The following TUSC3 variants were observed in gnomAD, a reference collection of about 807,000 sequenced individuals.
The protein encoded by TUSC3 is tumor suppressor candidate 3.
A neutral mutation model predicts 44.8 loss-of-function variants in TUSC3; 45 were observed. That is an observed-to-expected ratio of 1.00 (90% CI 0.79 to 1.29). TUSC3 has a LOEUF of 1.29. Among genes scored for constraint, TUSC3 ranks in the 50% most tolerant of loss-of-function variants. The pLI is 0.00. For synonymous variants in TUSC3, 212 were observed against 152.9 expected, an observed-to-expected ratio of 1.39 and a Z score of -2.85; for missense variants, 519 against 437.9, an observed-to-expected ratio of 1.19 and a Z score of -1.65.
chr8:15,743,517 C>G, intron 7 of TUSC3, 21 bp from the exon 8 acceptor site: 1 of 1,613,234 alleles, frequency 6.2e-7, no homozygotes, highest in Non-Finnish European at 8.5e-7. Flanking sequence ...ATGTCTACGG[C>G]TTCCTTGACA....
intron 1 of TUSC3, among the ~76,000 whole-genome samples, chr8:15,433,940 G>A (rs1799912128): frequency 6.6e-6 from 1 of 152,106 alleles, no homozygotes; most frequent in African/African-American, 2.4e-5. Flanking sequence ...AGAGCTTTCT[G>A]TGGATATGTG....
intron 10 of TUSC3, among the ~76,000 whole-genome samples, chr8:15,763,515 G>C (rs1214069240): frequency 1.3e-5 from 2 of 151,826 alleles, no homozygotes; most frequent in East Asian, 1.9e-4. Flanking sequence ...GTGTTGTCAA[G>C]ACTCAAAAAG....
chr8:15,599,540 T>C (rs567823147), intron 1 of TUSC3, among the ~76,000 whole-genome samples: 1 of 151,838 alleles, frequency 6.6e-6, no homozygotes, highest in African/African-American at 2.4e-5. Context: ...TTATGCTCTC[T>C]TATAGTAGTT....
intron 6 of TUSC3, among the ~76,000 whole-genome samples, chr8:15,711,916 G>T: frequency 6.6e-6 from 1 of 151,778 alleles, no homozygotes; most frequent in Non-Finnish European, 1.5e-5. Flanking sequence ...TATAGTTTCA[G>T]GAACTGAAAG....
At chr8:15,523,901 C>CAA in intron 2 of TUSC3, among the ~76,000 whole-genome samples, 1 of 151,100 alleles carries the variant, frequency 6.6e-6, no homozygotes, top group East Asian at 1.9e-4. Context: ...ACTAGCAATA[C>CAA]AAAAATTAGC....
downstream of TUSC3, among the ~76,000 whole-genome samples, chr8:15,769,714 G>A (rs1812408281): frequency 6.6e-6 from 1 of 152,048 alleles, no homozygotes; most frequent in African/African-American, 2.4e-5. Context: ...AATCTACAAA[G>A]AACTGAAATT....
chr8:15,676,269 G>C (rs1266206171), intron 6 of TUSC3, among the ~76,000 whole-genome samples: 2 of 152,078 alleles, frequency 1.3e-5, no homozygotes, highest in African/African-American at 4.8e-5. Context: ...CCGCTTATCT[G>C]TCTTCTTTTC....
the TUSC3 span, among the ~76,000 whole-genome samples, chr8:15,778,635 T>C: frequency 6.6e-6 from 1 of 152,302 alleles, no homozygotes; most frequent in Non-Finnish European, 1.5e-5. Flanking sequence ...TGATTCTTTA[T>C]GTATCACTTA....
chr8:15,791,939 A>G, the TUSC3 span, among the ~76,000 whole-genome samples: 3 of 152,320 alleles, frequency 2.0e-5, no homozygotes, highest in East Asian at 3.9e-4. Flanking sequence ...AACCGGTGAC[A>G]AAGAATTACT....
intron 2 of TUSC3, among the ~76,000 whole-genome samples, chr8:15,493,103 G>A (rs1378067086): frequency 6.6e-6 from 1 of 152,118 alleles, no homozygotes; most frequent in Non-Finnish European, 1.5e-5. Flanking sequence ...AAAAAATCCT[G>A]CAAGGTAGAT....
At chr8:15,756,403 T>C (rs780270062) in intron 9 of TUSC3, among the ~76,000 whole-genome samples, 2 of 152,170 alleles carry the variant, frequency 1.3e-5, no homozygotes, top group Non-Finnish European at 2.9e-5. Context: ...AGGTTCTCAA[T>C]AAAAAGTACT....
intron 5 of TUSC3, among the ~76,000 whole-genome samples, chr8:15,670,877 C>G (rs1176372200): frequency 6.6e-6 from 1 of 151,802 alleles, no homozygotes; most frequent in Non-Finnish European, 1.5e-5. Context: ...AGGTAAATGA[C>G]TTGCTGGGTA....
intron 1 of TUSC3, among the ~76,000 whole-genome samples, chr8:15,547,658 A>G (rs564038122): frequency 9.0e-4 from 135 of 150,438 alleles, no homozygotes; most frequent in African/African-American, 3.2e-3. Context: ...TGAGTGAGAA[A>G]GTATTAGGAG....
rs547570112 is a variant in TUSC3, at chr8:15,460,870, C to T, written n.92-22516C>T. ...TGGGTTTATTTCTGGGTTCTCTATT[C>T]TGTTCCATTGGTCTATGTGCCTGTT... On this transcript the variant is annotated intron_variant and non_coding_transcript_variant, in intron 1 of 5. Coordinates refer to the TUSC3 transcript ENST00000503191. Among the ~76,000 whole-genome samples the T allele has an allele frequency of 3.7e-4, 57 of 152,236 alleles. No individual in the cohort carries two copies. The South Asian group carries it at 9.3e-3, about 25-fold the overall frequency.
chr8:15,432,247 G>A (rs921037378), intron 1 of TUSC3, among the ~76,000 whole-genome samples: 1 of 151,734 alleles, frequency 6.6e-6, no homozygotes, highest in African/African-American at 2.4e-5. Flanking sequence ...TAGGCTTTTT[G>A]TTGTTGTTGT....
chr8:15,758,084 A>C, intron 10 of TUSC3: 1 of 1,306,166 alleles, frequency 7.7e-7, no homozygotes, highest in Non-Finnish European at 9.7e-7. Flanking sequence ...GGAGTTAATC[A>C]TTTGACAGAT....
intron 10 of TUSC3, among the ~76,000 whole-genome samples, chr8:15,763,756 T>G (rs1181298275): frequency 1.3e-5 from 2 of 152,096 alleles, no homozygotes; most frequent in African/African-American, 4.8e-5. Flanking sequence ...TCTTTTTGGT[T>G]GTTCAATATG....
chr8:15,824,178 T>A, the TUSC3 span, among the ~76,000 whole-genome samples: 91,644 of 152,040 alleles, frequency 0.6, 29,081 homozygotes, highest in Non-Finnish European at 0.73. Context: ...ATCATAGAAC[T>A]AACTAGTCAC....
intron 9 of TUSC3, chr8:15,748,818 T>G: frequency 2.1e-6 from 1 of 483,432 alleles, no homozygotes; most frequent in Non-Finnish European, 4.1e-6. Context: ...TCACTGTTCA[T>G]TGTCTAATAA....
Sources: gnomAD v4.1 joint callset for allele counts (sites outside exome capture counted in the v4.1 genomes callset) on GRCh38, gnomAD v4.1.1 for gene constraint, MANE v1.5 for transcripts, NCBI Gene and HGNC (gene_info 2026-07-23, HGNC 2026-07-21) for gene names.